The following VWF variants were observed in gnomAD, a reference collection of about 807,000 sequenced individuals.
VWF encodes Factor VIII related antigen.
Under a neutral mutation model 308.6 loss-of-function variants are expected in VWF, and 176 were observed. The ratio of observed to expected loss-of-function variants is 0.57; its 90% CI spans 0.50 to 0.65. The LOEUF (loss-of-function observed/expected upper bound fraction) is 0.65. Ranked by LOEUF, VWF falls within the 30% of genes least tolerant of loss-of-function variation. The probability of loss-of-function intolerance (pLI) is 0.00; values close to 1 mark genes in which losing one functional copy is unlikely to be tolerated. For missense variants in VWF, 3,146 were observed against 3,648.2 expected (o/e 0.86, Z 3.55); for synonymous variants, 1,385 against 1,443.4 (o/e 0.96, Z 0.92).
intron 24 of VWF, among the ~76,000 whole-genome samples, chr12:6,025,022 C>CAAA (rs34547698): frequency 1.7e-5 from 2 of 119,714 alleles, no homozygotes; most frequent in Non-Finnish European, 1.8e-5. Flanking sequence ...GACTCTGTCT[C>CAAA]AAAAAAAAAA....
chr12:6,016,133 G>C lies in VWF; in HGVS notation c.5411C>G (p.Ser1804Cys). The C allele has an allele frequency of 6.2e-7, 1 of 1,614,214 alleles. No individual in the cohort carries two copies. Among genetic ancestry groups the C allele is most frequent in the Non-Finnish European group, 8.5e-7 (1 of 1,180,036 alleles). ...AGCTGCTGCATCCACTGAATCCACA[G>C]AGACGTCCGTGACCAGGATGACCAC... ...KAVVILVTDV[S>C]VDSVDAAADA... The change falls in exon 31 of 52, where the codon TCT becomes TGT. Residue 1804 changes from serine (S) to cysteine (C), a missense_variant. Coordinates refer to ENST00000261405, the MANE Select transcript of VWF (RefSeq NM_000552.5).
rs543178288 is a variant in VWF, at chr12:6,002,885, A to C, written c.5843-6663T>G. 1.3e-3 allele frequency among the ~76,000 whole-genome samples: 191 copies of C among 152,264 alleles called. 1 individual carries two copies. The East Asian group carries it at 0.015, about 12-fold the overall frequency. Reference sequence around the variant, plus strand: ...ACAGTATTCCCCCACCACAAAAAAAAAACAAAAAACCTACAGGGTGGGAGA... The same window carrying C: ...ACAGTATTCCCCCACCACAAAAAAACAACAAAAAACCTACAGGGTGGGAGA... On this transcript the variant is annotated intron_variant, in intron 34 of 51. Coordinates refer to ENST00000261405, the MANE Select transcript of VWF (RefSeq NM_000552.5).
intron 38 of VWF, among the ~76,000 whole-genome samples, chr12:5,987,802 T>C (rs1356336261): frequency 1.3e-5 from 2 of 152,204 alleles, no homozygotes; most frequent in Non-Finnish European, 2.9e-5. Context: ...AACGAATCTA[T>C]AGTGACAGAA....
At chr12:6,118,559 G>A (rs1045213638) in intron 3 of VWF, among the ~76,000 whole-genome samples, 1 of 151,722 alleles carries the variant, frequency 6.6e-6, no homozygotes, top group Non-Finnish European at 1.5e-5. Context: ...GCTAATTTTT[G>A]TATTTTTAGT....
intron 28 of VWF, among the ~76,000 whole-genome samples, chr12:6,018,059 C>T (rs1418682899): frequency 2.4e-5 from 2 of 84,152 alleles, no homozygotes; most frequent in South Asian, 5.4e-4. Context: ...GTAAGACTTG[C>T]ATTTTTTTTT....
intron 6 of VWF, among the ~76,000 whole-genome samples, chr12:6,091,778 G>A (rs529336583): frequency 5.3e-5 from 8 of 152,318 alleles, no homozygotes; most frequent in Admixed American, 1.3e-4. Context: ...AGAAACACAA[G>A]GGCCCACTGG....
rs1211916659 is a variant in VWF at position 5,953,502 on chromosome 12, T to A, written c.7980A>T (p.Thr2660=). ...GCATTCAGCTTGCTCCTACCTTCAG[T>A]GTCATGATCTGTCCTCCTCTTAGCT... is the stretch of plus-strand genomic sequence containing the variant. The part of the protein sequence containing the change: ...TIQLRGGQIM[T]LKRDETLQDG... The change falls in exon 48 of 52, where the codon ACA becomes ACT. Residue 2660 remains threonine (T), a synonymous_variant. Coordinates refer to ENST00000261405, the MANE Select transcript of VWF (RefSeq NM_000552.5). 1 of 1,614,010 alleles carries A rather than the reference T, an allele frequency of 6.2e-7. No homozygotes were observed. The highest frequency in any genetic ancestry group is 1.1e-5 in the South Asian group (1 of 91,084).
chr12:6,105,292 G>A (rs1305808556), intron 5 of VWF, among the ~76,000 whole-genome samples: 3 of 152,078 alleles, frequency 2.0e-5, no homozygotes, highest in Admixed American at 1.3e-4. Flanking sequence ...GCAGTGGGGC[G>A]ATCTCGGCTC....
At chr12:6,044,092 T>TA (rs1361720915) in intron 18 of VWF, among the ~76,000 whole-genome samples, 199 bp downstream of exon 18, 1 of 151,940 alleles carries the variant, frequency 6.6e-6, no homozygotes, top group African/African-American at 2.4e-5. Context: ...GGCATTTTCC[T>TA]AACAACTCCC....
chr12:6,068,803 T>C (rs1038461772), intron 10 of VWF, among the ~76,000 whole-genome samples: 1 of 150,426 alleles, frequency 6.6e-6, no homozygotes, highest in African/African-American at 2.5e-5. Context: ...ATGCATTTTT[T>C]TTTCTTTTTC....
Position 6,023,731 on chromosome 12 carries a change from G to A in VWF, c.3279C>T (p.Ser1093=). 1.9e-6 allele frequency: 3 copies of A among 1,613,702 alleles called. No homozygotes were observed. Among genetic ancestry groups the A allele is most frequent in the Non-Finnish European group, 2.5e-6 (3 of 1,180,000 alleles). The change falls in exon 25 of 52, where the codon TCC becomes TCT. Residue 1093 remains serine (S), a synonymous_variant. Coordinates refer to ENST00000261405, the MANE Select transcript of VWF (RefSeq NM_000552.5). Reference sequence around the variant, plus strand: ...CGCAGAAGCAGGCGCAGTCCCCAATGGACTCACAGGAGCAGGTGTCGTAAA... The same window carrying A: ...CGCAGAAGCAGGCGCAGTCCCCAATAGACTCACAGGAGCAGGTGTCGTAAA... The part of the protein sequence containing the change: ...VCIYDTCSCE[S]IGDCACFCDT...
intron 42 of VWF, among the ~76,000 whole-genome samples, chr12:5,980,600 G>A (rs1239942492): frequency 6.6e-6 from 1 of 152,218 alleles, no homozygotes; most frequent in Non-Finnish European, 1.5e-5. Context: ...GGGGTGGGCA[G>A]GAAGACGAGA....
chr12:6,087,653 C>T (rs1018815311), intron 6 of VWF, among the ~76,000 whole-genome samples: 2 of 151,862 alleles, frequency 1.3e-5, no homozygotes, highest in Admixed American at 6.6e-5. Context: ...GCTGAGCCCC[C>T]GCGCCTGGCC....
chr12:6,123,405 T>C (rs1184560823), intron 1 of VWF, among the ~76,000 whole-genome samples: 2 of 152,194 alleles, frequency 1.3e-5, no homozygotes, highest in Non-Finnish European at 2.9e-5. Context: ...TAACAATCGC[T>C]GTGAGCTGGG....
rs574011048 is a variant in VWF, at chr12:6,026,368, T to C, written c.2968-322A>G. 3.3e-5 allele frequency among the ~76,000 whole-genome samples: 5 copies of C among 152,278 alleles called. No individual in the cohort carries two copies. The East Asian group carries it at 9.7e-4, about 29-fold the overall frequency. On this transcript the variant is annotated intron_variant, in intron 22 of 51. Transcript: ENST00000261405. ...GCCCTGAGATCACTGGTGGGAACTA[T>C]CACTGTCCCCAACAAGCATAGAAGC...
chr12:5,983,524 G>GATAC (rs1262722140), intron 40 of VWF, among the ~76,000 whole-genome samples: 1 of 151,774 alleles, frequency 6.6e-6, no homozygotes, highest in Non-Finnish European at 1.5e-5. Flanking sequence ...AGGTACATTA[G>GATAC]ATAGATAGAT....
chr12:6,023,488 C>CT, intron 25 of VWF, 143 bp downstream of exon 25: 1 of 1,226,912 alleles, frequency 8.2e-7, no homozygotes, highest in Non-Finnish European at 1.2e-6. Flanking sequence ...CTTAACCCTC[C>CT]TTAGCCCTTG....
At position 5,994,007 on chromosome 12, in the gene VWF, G is replaced by A; in HGVS notation, c.6453C>T (p.His2151=). 1 of 1,614,218 alleles carries A rather than the reference G, an allele frequency of 6.2e-7. No homozygotes were observed. Among genetic ancestry groups the A allele is most frequent in the Non-Finnish European group, 8.5e-7 (1 of 1,180,044 alleles). Residue 2151 remains histidine, a synonymous_variant, in exon 37 of 52, where the codon CAC becomes CAT. Coordinates refer to ENST00000261405, the MANE Select transcript of VWF (RefSeq NM_000552.5). ...VLLLPLFAEC[H]KVLAPATFYA... ...AGAATGTGGCTGGAGCCAGGACCTTGTGGCATTCAGCAAACAGTGGTAAGA... is the reference window on the plus strand; with the variant it reads ...AGAATGTGGCTGGAGCCAGGACCTTATGGCATTCAGCAAACAGTGGTAAGA...
intron 12 of VWF, 80 bp downstream of exon 12, chr12:6,064,166 C>T (rs1944685950): frequency 1.2e-6 from 2 of 1,608,020 alleles, no homozygotes; most frequent in African/African-American, 2.7e-5. Context: ...TCCTTAAGGA[C>T]AGTGGCCAGG....
Sources: allele counts gnomAD v4.1 joint callset (sites outside exome capture counted in the v4.1 genomes callset), GRCh38; gene constraint gnomAD v4.1.1; transcripts MANE v1.5; gene names NCBI Gene and HGNC (gene_info 2026-07-23, HGNC 2026-07-21).